The following SUPT3H variants were observed in gnomAD, a reference collection of about 807,000 sequenced individuals.
SUPT3H encodes SPT3 homolog, SAGA and STAGA complex component, also known as transcription initiation protein SPT3 homolog.
Under a neutral mutation model 44.3 loss-of-function variants are expected in SUPT3H, and 44 were observed. The ratio of observed to expected loss-of-function variants is 0.99; its 90% CI spans 0.78 to 1.28. The LOEUF (loss-of-function observed/expected upper bound fraction) is 1.28. Ranked by LOEUF, SUPT3H falls within the 50% of genes most tolerant of loss-of-function variation. The probability of loss-of-function intolerance (pLI) is 0.00; values close to 1 mark genes in which losing one functional copy is unlikely to be tolerated. For synonymous variants in SUPT3H, 124 were observed against 125.6 expected (o/e 0.99, Z 0.09); for missense variants, 380 against 387.1 (o/e 0.98, Z 0.15).
chr6:45,374,560 C>A (rs1298884868), intron 1 of SUPT3H, among the ~76,000 whole-genome samples: 1 of 152,204 alleles, frequency 6.6e-6, no homozygotes, highest in Non-Finnish European at 1.5e-5. Context: ...ATGCATATGG[C>A]TGAATTATTT....
chr6:45,178,200 G>T (rs1404102874), intron 2 of SUPT3H, among the ~76,000 whole-genome samples: 2 of 152,014 alleles, frequency 1.3e-5, no homozygotes, highest in Admixed American at 6.6e-5. Context: ...ACACACATAG[G>T]CTCAAATAAA....
chr6:44,904,090 A>C (rs1232945625), intron 10 of SUPT3H, among the ~76,000 whole-genome samples: 1 of 152,202 alleles, frequency 6.6e-6, no homozygotes. Context: ...AATGGGCAAA[A>C]ACCGGAAGCA....
chr6:44,937,010 C>A (rs1290891374), intron 9 of SUPT3H, among the ~76,000 whole-genome samples: 1 of 152,052 alleles, frequency 6.6e-6, no homozygotes, highest in East Asian at 1.9e-4. Context: ...TGTATACATG[C>A]CACATTTTCT....
chr6:45,246,614 A>C (rs1383149027), intron 2 of SUPT3H, among the ~76,000 whole-genome samples: 2 of 152,224 alleles, frequency 1.3e-5, no homozygotes, highest in African/African-American at 2.4e-5. Context: ...GGAAAATAAG[A>C]CGCTATTACT....
intron 5 of SUPT3H, among the ~76,000 whole-genome samples, chr6:45,012,141 A>T (rs1229813068): frequency 1.4e-5 from 2 of 147,136 alleles, no homozygotes. Flanking sequence ...CTTAGTGTAG[A>T]TTTCTTTATG....
chr6:45,240,293 C>T (rs757593784), intron 2 of SUPT3H, among the ~76,000 whole-genome samples: 15 of 152,098 alleles, frequency 9.9e-5, no homozygotes, highest in East Asian at 3.9e-4. Flanking sequence ...CCTGTCACAA[C>T]GAGTAATTTA....
chr6:44,977,534 C>T (rs2153487300), intron 6 of SUPT3H, among the ~76,000 whole-genome samples: 1 of 152,238 alleles, frequency 6.6e-6, no homozygotes, highest in East Asian at 1.9e-4. Context: ...CCTGTATACT[C>T]TTCACCCCAC....
chr6:44,943,927 C>T lies in SUPT3H; in HGVS notation c.801+9383G>A, dbSNP rs557227487. ...AGAAAAGAAAAATGATACAAGAAAA[C>T]TCTAATTATGAAAGAGAAATAAAGA... is the stretch of plus-strand genomic sequence containing the variant. On this transcript the variant is annotated intron_variant, in intron 9 of 10. Transcript: ENST00000371459. 3.9e-5 allele frequency among the ~76,000 whole-genome samples: 6 copies of T among 152,080 alleles called. No homozygotes were observed. In the East Asian group the frequency reaches 1.2e-3, roughly 29 times the overall value.
At chr6:45,251,531 T>C (rs953458407) in intron 2 of SUPT3H, among the ~76,000 whole-genome samples, 1 of 151,990 alleles carries the variant, frequency 6.6e-6, no homozygotes, top group Admixed American at 6.6e-5. Context: ...TCAATTTCCA[T>C]CTGAACAGCA....
At chr6:45,280,772 T>C (rs771172644) in intron 2 of SUPT3H, among the ~76,000 whole-genome samples, 1 of 152,192 alleles carries the variant, frequency 6.6e-6, no homozygotes, top group African/African-American at 2.4e-5. Context: ...GGATAAAATA[T>C]ATGGGCAAAT....
In SUPT3H at chr6:45,312,477, T is replaced by A. The variant is rs563766016; in HGVS notation, c.101+52724A>T. 2.1e-3 allele frequency among the ~76,000 whole-genome samples: 310 copies of A among 145,268 alleles called. 1 individual carries two copies. The highest frequency in any genetic ancestry group is 7.7e-3 in the African/African-American group (296 of 38,664). On this transcript the variant is annotated intron_variant, in intron 2 of 10. Transcript: ENST00000371459. Reference sequence around the variant, plus strand: ...TTGCAGTGAGCCGAGATCGTGCCACTGCACTCCAGCCTGGACGACAGAGTG... The same window carrying A: ...TTGCAGTGAGCCGAGATCGTGCCACAGCACTCCAGCCTGGACGACAGAGTG...
intron 3 of SUPT3H, among the ~76,000 whole-genome samples, chr6:45,024,154 G>A (rs2153520140): frequency 6.6e-6 from 1 of 152,032 alleles, no homozygotes; most frequent in East Asian, 1.9e-4. Flanking sequence ...TAACAACTTT[G>A]TTAGGAAAAA....
chr6:45,044,834 C>G (rs933547156), intron 3 of SUPT3H, among the ~76,000 whole-genome samples: 9 of 152,292 alleles, frequency 5.9e-5, no homozygotes, highest in Middle Eastern at 3.4e-3. Flanking sequence ...AGCCACTTCT[C>G]TCTGGCCAAC....
rs547737426 is a variant in SUPT3H at position 45,281,775 on chromosome 6, C to A, written c.101+83426G>T. On this transcript the variant is annotated intron_variant, in intron 2 of 10. Coordinates refer to ENST00000371459, the MANE Select transcript of SUPT3H (RefSeq NM_003599.4). Reference sequence around the variant, plus strand: ...CAGCACCCAGCTGGAGATCTGAGAACAGACAGACTGCCTCCTCAAGTGGGT... The same window carrying A: ...CAGCACCCAGCTGGAGATCTGAGAAAAGACAGACTGCCTCCTCAAGTGGGT... 8.5e-5 allele frequency among the ~76,000 whole-genome samples: 13 copies of A among 152,206 alleles called. No homozygotes were observed. In the East Asian group the frequency reaches 2.3e-3, roughly 27 times the overall value.
intron 2 of SUPT3H, among the ~76,000 whole-genome samples, chr6:45,131,646 A>T (rs1803483760): frequency 6.6e-6 from 1 of 152,236 alleles, no homozygotes; most frequent in Admixed American, 6.5e-5. Context: ...AGATATTCAG[A>T]TTGACGGAAT....
intron 2 of SUPT3H, among the ~76,000 whole-genome samples, chr6:45,348,512 C>CAAAAAAAAAAAAAAAAAAAAAAAAAA (rs754208599): frequency 9.1e-6 from 1 of 110,350 alleles, no homozygotes. Flanking sequence ...ACTAAAAATA[C>CAAAAAAAAAAAAAAAAAAAAAAAAAA]AAAAAAAAAA....
intron 10 of SUPT3H, among the ~76,000 whole-genome samples, chr6:44,866,898 A>G (rs576300054): frequency 1.3e-5 from 2 of 152,354 alleles, no homozygotes; most frequent in South Asian, 2.1e-4. Context: ...AGTCAGAAGA[A>G]TAGCACATTT....
At chr6:45,369,075 G>C (rs1396940187) in intron 1 of SUPT3H, among the ~76,000 whole-genome samples, 1 of 151,836 alleles carries the variant, frequency 6.6e-6, no homozygotes, top group Non-Finnish European at 1.5e-5. Flanking sequence ...TAACACAAAG[G>C]TAATCTCAAT....
rs182833429 is a variant in SUPT3H at position 44,923,088 on chromosome 6, G to A, written c.912+9565C>T. Among the ~76,000 whole-genome samples the A allele has an allele frequency of 8.5e-5, 13 of 152,064 alleles. No homozygotes were observed. The East Asian group carries it at 2.5e-3, about 29-fold the overall frequency. On this transcript the variant is annotated intron_variant, in intron 10 of 10. Coordinates refer to ENST00000371459, the MANE Select transcript of SUPT3H (RefSeq NM_003599.4). ...ATTCCACTCAAAAGGTTTCTATTTG[G>A]TATAAATTACCCCTTTCCTTGCACT...
Sources: gnomAD v4.1 joint callset for allele counts (sites outside exome capture counted in the v4.1 genomes callset) on GRCh38, gnomAD v4.1.1 for gene constraint, MANE v1.5 for transcripts, NCBI Gene and HGNC (gene_info 2026-07-23, HGNC 2026-07-21) for gene names.